ADAMTSL1: variants seen among roughly 807,000 people sequenced by gnomAD.
ADAMTSL1 encodes the protein ADAMTS like 1.
In ADAMTSL1, 126 loss-of-function variants were observed where a neutral mutation model predicts 201.8. The ratio of observed to expected loss-of-function variants is 0.62; its 90% confidence interval spans 0.54 to 0.72. ADAMTSL1 has a LOEUF of 0.72. Ranked by LOEUF, ADAMTSL1 falls within the 30% of genes least tolerant of loss-of-function variation. The probability of loss-of-function intolerance (pLI) is 0.00; values close to 1 mark genes in which losing one functional copy is unlikely to be tolerated. For missense variants in ADAMTSL1, 2,679 were observed against 2,277.8 expected, an observed-to-expected ratio of 1.18 and a Z score of -3.59; for synonymous variants, 1,121 against 903.4, an observed-to-expected ratio of 1.24 and a Z score of -4.32.
intron 16 of ADAMTSL1, among the ~76,000 whole-genome samples, chr9:18,762,861 A>G (rs1820153224): frequency 6.6e-6 from 1 of 152,208 alleles, no homozygotes; most frequent in African/African-American, 2.4e-5. Flanking sequence ...ATAGTACTCC[A>G]TTGTGTATGT....
At chr9:18,602,971 T>A (rs1824756295) in intron 4 of ADAMTSL1, among the ~76,000 whole-genome samples, 1 of 152,190 alleles carries the variant, frequency 6.6e-6, no homozygotes, top group South Asian at 2.1e-4. Flanking sequence ...AGGCAACTTC[T>A]AAGAGGTAAA....
At position 18,770,636 on chromosome 9, in the gene ADAMTSL1, G is replaced by A. The variant is rs780529314; in HGVS notation, c.2252G>A (p.Arg751His). ...ACGTGTGGCGGGGGTGTTCAGAAAC[G>A]TGAGGTTCTTTGCAAGCAGCGCATG... ...SRTCGGGVQK[R>H]EVLCKQRMAD... Residue 751 changes from arginine to histidine, a missense_variant, in exon 17 of 29, where the codon CGT becomes CAT. Physicochemically the swap from Arg to His is conservative, Grantham distance 29 (BLOSUM62 0). Coordinates refer to ENST00000380548, the MANE Select transcript of ADAMTSL1 (RefSeq NM_001040272.6). The A allele has an allele frequency of 3.7e-6, 6 of 1,613,330 alleles. No homozygotes were observed. Among genetic ancestry groups the A allele is most frequent in the East Asian group, 2.2e-5 (1 of 44,856 alleles).
chr9:17,949,151 C>T (rs943204028), intron 1 of ADAMTSL1, among the ~76,000 whole-genome samples: 3 of 152,200 alleles, frequency 2.0e-5, no homozygotes, highest in Non-Finnish European at 4.4e-5. Flanking sequence ...TTAAAATACA[C>T]ATAAAGCCTC....
chr9:18,537,677 A>T (rs1446761242), intron 3 of ADAMTSL1, among the ~76,000 whole-genome samples: 1 of 151,982 alleles, frequency 6.6e-6, no homozygotes, highest in Non-Finnish European at 1.5e-5. Context: ...GGAGTTTGAG[A>T]CTAGCCTGAG....
At chr9:18,679,296 A>G (rs1381518576) in intron 10 of ADAMTSL1, among the ~76,000 whole-genome samples, 1 of 152,218 alleles carries the variant, frequency 6.6e-6, no homozygotes, top group Admixed American at 6.5e-5. Context: ...TCATAATTCT[A>G]AGAGAAATCT....
At chr9:18,047,732 C>T (rs183277656) in intron 1 of ADAMTSL1, among the ~76,000 whole-genome samples, 1 of 152,192 alleles carries the variant, frequency 6.6e-6, no homozygotes, top group East Asian at 1.9e-4. Flanking sequence ...ACATTGAACG[C>T]AGGCAAAGAA....
intron 2 of ADAMTSL1, among the ~76,000 whole-genome samples, chr9:18,526,506 A>G (rs1459254614): frequency 6.6e-6 from 1 of 152,170 alleles, no homozygotes; most frequent in African/African-American, 2.4e-5. Flanking sequence ...TATTTTGCTC[A>G]TTAGTTGACG....
chr9:18,529,277 G>A (rs1289475346), intron 2 of ADAMTSL1, among the ~76,000 whole-genome samples: 3 of 152,148 alleles, frequency 2.0e-5, no homozygotes, highest in African/African-American at 7.2e-5. Flanking sequence ...TACCAGAATT[G>A]AGAAGTAGTT....
At chr9:18,110,252 A>G (rs968168719) in intron 1 of ADAMTSL1, among the ~76,000 whole-genome samples, 1 of 152,146 alleles carries the variant, frequency 6.6e-6, no homozygotes, top group Non-Finnish European at 1.5e-5. Flanking sequence ...TAGAGTGTCT[A>G]ATTCTCAGCT....
intron 7 of ADAMTSL1, among the ~76,000 whole-genome samples, chr9:18,641,366 G>C (rs934454655): frequency 1.4e-4 from 22 of 152,098 alleles, no homozygotes; most frequent in Admixed American, 4.6e-4. Context: ...GATAAATAAA[G>C]AATTTTTGCC....
At chr9:18,230,998 G>A (rs774672565) in intron 2 of ADAMTSL1, among the ~76,000 whole-genome samples, 1 of 152,144 alleles carries the variant, frequency 6.6e-6, no homozygotes, top group African/African-American at 2.4e-5. Flanking sequence ...AAGTAATCGT[G>A]TGCTTAATGC....
chr9:18,140,941 A>T (rs1230293766), intron 1 of ADAMTSL1, among the ~76,000 whole-genome samples: 1 of 152,234 alleles, frequency 6.6e-6, no homozygotes, highest in Admixed American at 6.5e-5. Flanking sequence ...CATTTCATTC[A>T]TCCTTTCATT....
intron 23 of ADAMTSL1, among the ~76,000 whole-genome samples, chr9:18,838,321 T>C (rs942786046): frequency 6.7e-6 from 1 of 148,558 alleles, no homozygotes; most frequent in Admixed American, 6.8e-5. Flanking sequence ...GGAGGTATAA[T>C]TCAAATGAGA....
intron 13 of ADAMTSL1, among the ~76,000 whole-genome samples, chr9:18,699,646 T>C (rs1831806773): frequency 6.6e-6 from 1 of 152,216 alleles, no homozygotes; most frequent in Non-Finnish European, 1.5e-5. Flanking sequence ...ATATGTTTTT[T>C]AAATTAAGTT....
At position 18,416,099 on chromosome 9, in the gene ADAMTSL1, T is replaced by C. The variant is rs368579412; in HGVS notation, c.208-88730T>C. Among the ~76,000 whole-genome samples the C allele has an allele frequency of 1.2e-4, 19 of 152,134 alleles. 2 individuals carry two copies. The highest frequency in any genetic ancestry group is 4.6e-4 in the African/African-American group (19 of 41,556). ...ATTATGACGAATGGGAATATGGAGC[T>C]ACAGAAAGGAATGAAGAACACTGGA... is the stretch of plus-strand genomic sequence containing the variant. On this transcript the variant is annotated intron_variant, in intron 2 of 29. Coordinates refer to the ADAMTSL1 transcript ENST00000680146.
intron 1 of ADAMTSL1, among the ~76,000 whole-genome samples, chr9:17,941,616 A>G (rs1204882600): frequency 6.6e-6 from 1 of 152,094 alleles, no homozygotes; most frequent in African/African-American, 2.4e-5. Flanking sequence ...CTCATTTTTC[A>G]AAGAGCTTTT....
At chr9:18,734,228 T>G (rs560287349) in intron 15 of ADAMTSL1, among the ~76,000 whole-genome samples, 9 of 152,248 alleles carry the variant, frequency 5.9e-5, no homozygotes, top group Admixed American at 2.0e-4. Context: ...AGAGATTAGT[T>G]TTGGGTTTTG....
intron 2 of ADAMTSL1, among the ~76,000 whole-genome samples, chr9:18,280,619 G>A (rs986694901): frequency 3.5e-4 from 53 of 152,016 alleles, no homozygotes; most frequent in African/African-American, 1.3e-3. Flanking sequence ...AAGTGCTCGA[G>A]TTTTGTACAT....
At chr9:18,566,000 T>C (rs1176048112) in intron 3 of ADAMTSL1, among the ~76,000 whole-genome samples, 1 of 152,206 alleles carries the variant, frequency 6.6e-6, no homozygotes, top group East Asian at 1.9e-4. Flanking sequence ...CAGCACATTT[T>C]ATGTTTCTTA....
Sources: gnomAD v4.1 joint callset for allele counts (sites outside exome capture counted in the v4.1 genomes callset) on GRCh38, gnomAD v4.1.1 for gene constraint, MANE v1.5 for transcripts, NCBI Gene and HGNC (gene_info 2026-07-23, HGNC 2026-07-21) for gene names.